The following SRGAP1 variants were observed in gnomAD, a reference collection of about 807,000 sequenced individuals.
SRGAP1 encodes SLIT-ROBO Rho GTPase activating protein 1, also known as SLIT-ROBO Rho GTPase-activating protein 1.
A neutral mutation model predicts 121.9 loss-of-function variants in SRGAP1; 43 were observed. The ratio of observed to expected loss-of-function variants is 0.35; its 90% CI spans 0.28 to 0.46. SRGAP1 has a LOEUF of 0.46. Ranked by LOEUF, SRGAP1 falls within the 20% of genes least tolerant of loss-of-function variation. SRGAP1 has a pLI of 1.00. For missense variants in SRGAP1, 1,102 were observed against 1,350.9 expected (o/e 0.82, Z 2.89); for synonymous variants, 447 against 485.4 (o/e 0.92, Z 1.04).
In SRGAP1 at chr12:64,078,834, A is replaced by C. The variant is rs796661019; in HGVS notation, c.1126-85A>C. ...TGGCGGGGGCAGGCCCTGTGTCCTC[A>C]TCTCTACCTGACAGAGTGGACTCTC... On this transcript the variant is annotated intron_variant, in intron 8 of 21. Transcript: ENST00000355086. 16 of 1,442,002 alleles carry C rather than the reference A, an allele frequency of 1.1e-5. No homozygotes were observed. In the African/African-American group the frequency reaches 2.1e-4, roughly 19 times the overall value. 89.3% of individuals were successfully genotyped at this position (1,442,002 alleles called of 1,614,324 possible).
At chr12:63,871,370 A>C (rs1045631095) in intron 1 of SRGAP1, among the ~76,000 whole-genome samples, 3 of 152,224 alleles carry the variant, frequency 2.0e-5, no homozygotes, top group African/African-American at 7.2e-5. Context: ...GTAAATTGAA[A>C]TCTAAAGTGG....
intron 4 of SRGAP1, among the ~76,000 whole-genome samples, chr12:64,020,947 CAAA>C (rs11379937): frequency 2.3e-5 from 3 of 131,316 alleles, no homozygotes; most frequent in Admixed American, 7.9e-5. Context: ...TTCTGTCTCA[CAAA>C]AAAAAAAAAA....
At chr12:63,931,544 G>T (rs74099376) in intron 1 of SRGAP1, among the ~76,000 whole-genome samples, 3,418 of 152,166 alleles carry the variant, frequency 0.022, 113 homozygotes, top group African/African-American at 0.077. Context: ...GTTAATGCAA[G>T]GAACAAGACA....
chr12:64,052,589 T>G (rs564383116), intron 6 of SRGAP1, among the ~76,000 whole-genome samples: 2 of 152,174 alleles, frequency 1.3e-5, no homozygotes, highest in East Asian at 3.9e-4. Flanking sequence ...ATATGTTTTG[T>G]ACTTTTCTGT....
chr12:63,848,246 TCC>T (rs1898967968), intron 1 of SRGAP1, among the ~76,000 whole-genome samples: 2 of 152,006 alleles, frequency 1.3e-5, no homozygotes, highest in Non-Finnish European at 2.9e-5. Flanking sequence ...CCTCAGGTGA[TCC>T]ACCTGCCTCT....
At chr12:63,875,179 G>A (rs1382687026) in intron 1 of SRGAP1, among the ~76,000 whole-genome samples, 1 of 152,164 alleles carries the variant, frequency 6.6e-6, no homozygotes, top group Non-Finnish European at 1.5e-5. Flanking sequence ...CTCCCAAAGT[G>A]TTGGATATTA....
At chr12:64,065,367 G>A (rs1368220409) in intron 8 of SRGAP1, 148 bp downstream of exon 8, 13 of 698,376 alleles carry the variant, frequency 1.9e-5, no homozygotes, top group Non-Finnish European at 1.9e-5. Flanking sequence ...AGTACTCTTT[G>A]TAGGGGATAA....
intron 2 of SRGAP1, among the ~76,000 whole-genome samples, chr12:63,984,802 G>T (rs528504924): frequency 6.6e-6 from 1 of 152,030 alleles, no homozygotes; most frequent in Non-Finnish European, 1.5e-5. Context: ...GATCACCTGA[G>T]GTCAGGAGTT....
Position 63,958,168 on chromosome 12 carries a change from G to T in SRGAP1, c.68-25779G>T, listed in dbSNP as rs953621316. ...CATGGCTGAGAACATGCTTGATAGG[G>T]AATAAGGTGAGTGACAGCTTGAAGA... On this transcript the variant is annotated intron_variant, in intron 1 of 21. Coordinates refer to ENST00000355086, the MANE Select transcript of SRGAP1 (RefSeq NM_020762.4). Among the ~76,000 whole-genome samples, 7 of 152,136 alleles carry T rather than the reference G, an allele frequency of 4.6e-5. No homozygotes were observed. In the East Asian group the frequency reaches 1.2e-3, roughly 25 times the overall value.
At chr12:64,114,351 T>G (rs1174443096) in intron 17 of SRGAP1, among the ~76,000 whole-genome samples, 1 of 145,976 alleles carries the variant, frequency 6.9e-6, no homozygotes, top group Non-Finnish European at 1.5e-5. Context: ...TTTTTTTTTT[T>G]TTTTTTGGAG....
chr12:63,959,319 G>A (rs2032566384), intron 1 of SRGAP1, among the ~76,000 whole-genome samples: 1 of 152,106 alleles, frequency 6.6e-6, no homozygotes, highest in South Asian at 2.1e-4. Flanking sequence ...ATAAACTGAG[G>A]ACACCTGTTC....
At chr12:63,933,295 G>A (rs1351969690) in intron 1 of SRGAP1, among the ~76,000 whole-genome samples, 2 of 152,088 alleles carry the variant, frequency 1.3e-5, no homozygotes. Flanking sequence ...GCCATTCTTG[G>A]GAGAGCATAT....
intron 1 of SRGAP1, among the ~76,000 whole-genome samples, chr12:63,882,175 C>T (rs928810484): frequency 6.6e-6 from 1 of 152,174 alleles, no homozygotes; most frequent in Middle Eastern, 3.2e-3. Context: ...GATTAAGTAA[C>T]AGCTTGGGAT....
At chr12:63,878,087 TC>T in intron 1 of SRGAP1, among the ~76,000 whole-genome samples, 1 of 152,354 alleles carries the variant, frequency 6.6e-6, no homozygotes, top group East Asian at 1.9e-4. Flanking sequence ...GCTCTCTTTA[TC>T]TAATAACAAC....
intron 3 of SRGAP1, among the ~76,000 whole-genome samples, chr12:63,998,399 G>A (rs933049840): frequency 6.6e-6 from 1 of 152,182 alleles, no homozygotes; most frequent in African/African-American, 2.4e-5. Context: ...AGAAATCAGA[G>A]TGGGTCCTAG....
chr12:64,018,291 AT>A (rs1285949817), intron 4 of SRGAP1, among the ~76,000 whole-genome samples: 1 of 152,086 alleles, frequency 6.6e-6, no homozygotes, highest in Non-Finnish European at 1.5e-5. Flanking sequence ...GGGTTTCGCC[AT>A]GTTGGCCAGG....
chr12:63,965,904 C>T (rs1277656148), intron 1 of SRGAP1, among the ~76,000 whole-genome samples: 3 of 152,160 alleles, frequency 2.0e-5, no homozygotes, highest in Non-Finnish European at 4.4e-5. Flanking sequence ...CTGCAACCTC[C>T]GCCTCCTAGG....
chr12:63,990,268 T>A (rs2136418308), intron 3 of SRGAP1, among the ~76,000 whole-genome samples, 196 bp downstream of exon 3: 2 of 152,330 alleles, frequency 1.3e-5, no homozygotes, highest in South Asian at 4.1e-4. Flanking sequence ...GCGTGGTAGC[T>A]CATGCCTGTA....
In SRGAP1 at chr12:64,109,048, G is replaced by T; in HGVS notation, c.1919+11G>T. 1 of 1,493,986 alleles carries T rather than the reference G, an allele frequency of 6.7e-7. No homozygotes were observed. Among genetic ancestry groups the T allele is most frequent in the Non-Finnish European group, 9.1e-7 (1 of 1,099,944 alleles). The allele number at this position is 1,493,986 out of a possible 1,614,324, so 92.5% of individuals were successfully genotyped here. A position where few individuals can be genotyped will look rare whatever the true frequency, so the allele number is the denominator to read the frequency against. ...TGCCTTCCTCAATCAGTAAGTACCT[G>T]AATGCTCTGACAAAAGGCCCATCTG... On this transcript the variant is annotated intron_variant, in intron 16 of 21. Coordinates refer to ENST00000355086, the MANE Select transcript of SRGAP1 (RefSeq NM_020762.4).
Sources: gnomAD v4.1 joint callset for allele counts (sites outside exome capture counted in the v4.1 genomes callset) on GRCh38, gnomAD v4.1.1 for gene constraint, MANE v1.5 for transcripts, NCBI Gene and HGNC (gene_info 2026-07-23, HGNC 2026-07-21) for gene names.